The following E4F1 variants were observed in gnomAD, a reference collection of about 807,000 sequenced individuals.
The protein encoded by E4F1 is transcription factor E4F1.
A neutral mutation model predicts 72.9 loss-of-function variants in E4F1; 30 were observed. The ratio of observed to expected loss-of-function variants is 0.41; its 90% CI spans 0.31 to 0.56. The LOEUF (loss-of-function observed/expected upper bound fraction) is 0.56. Ranked by LOEUF, E4F1 falls within the 20% of genes least tolerant of loss-of-function variation. The probability of loss-of-function intolerance (pLI) is 0.25; values close to 1 mark genes in which losing one functional copy is unlikely to be tolerated. For missense variants in E4F1, 1,091 were observed against 1,117.5 expected, an observed-to-expected ratio of 0.98 and a Z score of 0.34; for synonymous variants, 542 against 478.2, an observed-to-expected ratio of 1.13 and a Z score of -1.74.
Position 2,229,574 on chromosome 16 carries a change from T to A in E4F1, c.314T>A (p.Val105Glu). The A allele has an allele frequency of 6.2e-7, 1 of 1,610,526 alleles. No individual in the cohort carries two copies. Among genetic ancestry groups the A allele is most frequent in the Non-Finnish European group, 8.5e-7 (1 of 1,179,762 alleles). ...ATTALLGQEV[V>E]PAAPGPEEPI... The stretch of plus-strand genomic sequence containing the variant: ...GTTTTCTTCCCCCTTTGGCAGGTGG[T>A]GCCGGCAGCACCAGGCCCAGAGGAG... The change falls in exon 3 of 14, where the codon GTG becomes GAG. Residue 105 changes from valine (V) to glutamate (E), a missense_variant. Val to Glu is a moderately radical substitution (Grantham distance 121). Coordinates refer to ENST00000301727, the MANE Select transcript of E4F1 (RefSeq NM_004424.5).
At chr16:2,228,225 A>T (rs2093443622) in intron 1 of E4F1, 147 bp from the exon 2 acceptor site, 1 of 1,097,238 alleles carries the variant, frequency 9.1e-7, no homozygotes, top group Non-Finnish European at 1.4e-6. Flanking sequence ...TTTGGGCCCG[A>T]GTGTGTTCTC....
At position 2,234,398 on chromosome 16, in the gene E4F1, T is replaced by C. The variant is rs1321606025; in HGVS notation, c.1593+10T>C. 6.2e-7 allele frequency: 1 copy of C among 1,612,502 alleles called. No homozygotes were observed. The highest frequency in any genetic ancestry group is 1.1e-5 in the South Asian group (1 of 91,072). The stretch of plus-strand genomic sequence containing the variant: ...GCGCTACAAGACTAAGGTGGGTCTC[T>C]GGCCGCAGGACCCTGGCGCCTGATC... On this transcript the variant is annotated intron_variant, in intron 10 of 13. Coordinates refer to ENST00000301727, the MANE Select transcript of E4F1 (RefSeq NM_004424.5).
At position 2,234,990 on chromosome 16, in the gene E4F1, T is replaced by G. The variant is rs1596773705; in HGVS notation, c.1924T>G (p.Tyr642Asp). 1 of 1,609,244 alleles carries G rather than the reference T, an allele frequency of 6.2e-7. No homozygotes were observed. The part of the protein sequence containing the change: ...FSSVVADTQE[Y>D]IIEATADDAE... ...GTCCGTGGTAGCTGACACCCAGGAG[T>G]ATATCATCGAGGTGGGTGTGGGGCC... The change falls in exon 12 of 14, where the codon TAT becomes GAT. Residue 642 changes from tyrosine (Y) to aspartate (D), a missense_variant. By Grantham distance (160) the Tyr-to-Asp change is radical (BLOSUM62 -3). This residue lies in a region of E4F1 where 622 missense variants were observed against 628.0 expected (regional missense o/e 0.99). Coordinates refer to ENST00000301727, the MANE Select transcript of E4F1 (RefSeq NM_004424.5).
At position 2,232,196 on chromosome 16, in the gene E4F1, C is replaced by T. The variant is rs773805400; in HGVS notation, c.441C>T (p.Ile147=). Residue 147 remains isoleucine (I), a synonymous_variant, in exon 4 of 14, where the codon ATC becomes ATT. Coordinates refer to ENST00000301727, the MANE Select transcript of E4F1 (RefSeq NM_004424.5). ...LVGGGHIKEV[I]VAAEAELGDG... Reference sequence around the variant, plus strand: ...GTGGTGGGCACATCAAAGAGGTCATCGTGGCTGCTGAGGCGGAGCTGGGAG... The same window carrying T: ...GTGGTGGGCACATCAAAGAGGTCATTGTGGCTGCTGAGGCGGAGCTGGGAG... 8 of 1,612,428 alleles carry T rather than the reference C, an allele frequency of 5.0e-6. No homozygotes were observed. In the Admixed American group the frequency reaches 1.2e-4, roughly 24 times the overall value.
At chr16:2,228,886 C>A (rs1022047342) in intron 2 of E4F1, among the ~76,000 whole-genome samples, 3 of 152,222 alleles carry the variant, frequency 2.0e-5, no homozygotes, top group Non-Finnish European at 4.4e-5. Flanking sequence ...GGACTTCACA[C>A]GTGAAGTGTG....
In E4F1 at chr16:2,234,212, C is replaced by T; in HGVS notation, c.1417C>T (p.Pro473Ser). Residue 473 changes from proline to serine, a missense_variant, in exon 10 of 14, where the codon CCC becomes TCC. By Grantham distance (74) the Pro-to-Ser change is moderately conservative (BLOSUM62 -1). Around this residue, in one of 5 missense-constraint regions of E4F1, gnomAD observed 622 missense variants for 628.0 expected, o/e 0.99. Coordinates refer to ENST00000301727, the MANE Select transcript of E4F1 (RefSeq NM_004424.5). ...CTGCGCGCAGTGTGGCAAGGCCTTC[C>T]CCAAGGCCTACCTGCTCAAGAAGCA... Reference protein sequence around the residue: ...FACAQCGKAFPKAYLLKKHQE... With the variant: ...FACAQCGKAFSKAYLLKKHQE... 6.2e-7 allele frequency: 1 copy of T among 1,612,758 alleles called. No homozygotes were observed. The highest frequency in any genetic ancestry group is 8.5e-7 in the Non-Finnish European group (1 of 1,179,928).
In E4F1 at chr16:2,234,944, C is replaced by T. The variant is rs1330555066; in HGVS notation, c.1878C>T (p.His626=). The change falls in exon 12 of 14, where the codon CAC becomes CAT. Residue 626 remains histidine, a synonymous_variant. Coordinates refer to ENST00000301727, the MANE Select transcript of E4F1 (RefSeq NM_004424.5). ...CCACCGTCCTCACGGAAGACCCGCACACAGTGTTGGTGGAGTTCTCGTCCG... is the reference window on the plus strand; with the variant it reads ...CCACCGTCCTCACGGAAGACCCGCATACAGTGTTGGTGGAGTTCTCGTCCG... ...AATTVLTEDP[H]TVLVEFSSVV... is the part of the protein sequence containing the mutation. The T allele has an allele frequency of 6.3e-7, 1 of 1,582,122 alleles. No individual in the cohort carries two copies. The highest frequency in any genetic ancestry group is 1.3e-5 in the African/African-American group (1 of 74,378).
chr16:2,234,242 G>A lies in E4F1; in HGVS notation c.1447G>A (p.Glu483Lys). The A allele has an allele frequency of 6.2e-7, 1 of 1,612,864 alleles. No individual in the cohort carries two copies. The highest frequency in any genetic ancestry group is 1.1e-5 in the South Asian group (1 of 91,090). The change falls in exon 10 of 14, where the codon GAG becomes AAG. Residue 483 changes from glutamate to lysine, a missense_variant. Glu to Lys is a moderately conservative substitution (Grantham distance 56, BLOSUM62 1). This residue lies in a region of E4F1 where 622 missense variants were observed against 628.0 expected (regional missense o/e 0.99). Coordinates refer to ENST00000301727, the MANE Select transcript of E4F1 (RefSeq NM_004424.5). ...PKAYLLKKHQ[E>K]VHVRERRFRC... ...GGCCTACCTGCTCAAGAAGCACCAG[G>A]AGGTGCACGTGCGTGAGCGCCGCTT...
chr16:2,229,161 C>T (rs1404241642), intron 2 of E4F1, among the ~76,000 whole-genome samples: 2 of 152,250 alleles, frequency 1.3e-5, no homozygotes, highest in African/African-American at 4.8e-5. Flanking sequence ...GTGCCCCCTC[C>T]TCCAGGAAGG....
At chr16:2,231,993 T>A in intron 3 of E4F1, 178 bp from the exon 4 acceptor site, 1 of 729,950 alleles carries the variant, frequency 1.4e-6, no homozygotes, top group Non-Finnish European at 2.2e-6. Flanking sequence ...CCTCTCACTC[T>A]GACCTGGAGA....
intron 2 of E4F1, 125 bp downstream of exon 2, chr16:2,228,648 A>T: frequency 7.9e-7 from 1 of 1,262,564 alleles, no homozygotes; most frequent in Non-Finnish European, 1.1e-6. Context: ...GAGGGCAGGC[A>T]CCTGGCTGCG....
In E4F1 at chr16:2,234,632, T is replaced by C; in HGVS notation, c.1643T>C (p.Val548Ala). The change falls in exon 11 of 14, where the codon GTG becomes GCG. Residue 548 changes from valine to alanine, a missense_variant. Coordinates refer to ENST00000301727, the MANE Select transcript of E4F1 (RefSeq NM_004424.5). ...FRTHLEEKPH[V>A]CQFCSRGFRE... is the part of the protein sequence containing the mutation. ...ACACACCTGGAGGAGAAGCCGCACG[T>C]GTGCCAGTTCTGCAGCCGTGGCTTC... 2 of 1,601,738 alleles carry C rather than the reference T, an allele frequency of 1.2e-6. No individual in the cohort carries two copies. Among genetic ancestry groups the C allele is most frequent in the Admixed American group, 1.7e-5 (1 of 58,964 alleles).
At chr16:2,229,101 C>A (rs1479937233) in intron 2 of E4F1, among the ~76,000 whole-genome samples, 1 of 152,234 alleles carries the variant, frequency 6.6e-6, no homozygotes, top group East Asian at 1.9e-4. Flanking sequence ...TGATGCTGGA[C>A]CCTGGACACC....
intron 1 of E4F1, among the ~76,000 whole-genome samples, chr16:2,227,644 T>G (rs2093440009): frequency 6.6e-6 from 1 of 152,008 alleles, no homozygotes; most frequent in African/African-American, 2.4e-5. Context: ...AGTGCTGGGA[T>G]TACAAGCATG....
intron 1 of E4F1, among the ~76,000 whole-genome samples, chr16:2,224,647 A>G (rs757172853): frequency 2.6e-5 from 4 of 151,862 alleles, no homozygotes; most frequent in African/African-American, 9.7e-5. Flanking sequence ...AAACAAAATT[A>G]GCCGGGCGTG....
At position 2,234,914 on chromosome 16, in the gene E4F1, A is replaced by C; in HGVS notation, c.1848A>C (p.Ala616=). The C allele has an allele frequency of 6.4e-7, 1 of 1,555,050 alleles. No homozygotes were observed. The highest frequency in any genetic ancestry group is 8.7e-7 in the Non-Finnish European group (1 of 1,149,418). ...TGGTGTCTGAGGACAGCCCCGCGGC[A>C]GCCACCACCGTCCTCACGGAAGACC... is the stretch of plus-strand genomic sequence containing the variant. ...ELLVSEDSPA[A]ATTVLTEDPH... is the part of the protein sequence containing the mutation. Residue 616 remains alanine, a synonymous_variant, in exon 12 of 14, where the codon GCA becomes GCC. Transcript: ENST00000301727.
rs781197252 is a variant in E4F1, at chr16:2,234,744, C to T, written c.1755C>T (p.Ala585=). ...GCTACAAGTGCGGCCGTGGCTTCGC[C>T]GAGCACGGCACGCTGAACCGGCACC... ...FKCYKCGRGF[A]EHGTLNRHLR... Residue 585 remains alanine, a synonymous_variant, in exon 11 of 14, where the codon GCC becomes GCT. Coordinates refer to ENST00000301727, the MANE Select transcript of E4F1 (RefSeq NM_004424.5). 1.2e-5 allele frequency: 19 copies of T among 1,553,036 alleles called. No homozygotes were observed. Among genetic ancestry groups the T allele is most frequent in the African/African-American group, 2.7e-5 (2 of 73,104 alleles).
chr16:2,223,687 CG>C lies in E4F1; in HGVS notation c.77del (p.Gly26AlafsTer157). 2 of 1,576,530 alleles carry C rather than the reference CG, an allele frequency of 1.3e-6. No individual in the cohort carries two copies. Among genetic ancestry groups the C allele is most frequent in the Non-Finnish European group, 1.7e-6 (2 of 1,169,714 alleles). ...AEAQAEAGRE[A>X]GEGAVAAVAA... Reference sequence around the variant, plus strand: ...GCCCAGGCCGAAGCCGGGCGGGAAGCGGGCGAGGGTGCAGTTGCGGCGGTGG... The same window carrying C: ...GCCCAGGCCGAAGCCGGGCGGGAAGCGGCGAGGGTGCAGTTGCGGCGGTGG... On this transcript the variant is annotated frameshift_variant, in exon 1 of 14. Coordinates refer to ENST00000301727, the MANE Select transcript of E4F1 (RefSeq NM_004424.5). LOFTEE classifies it high-confidence loss of function.
Position 2,232,182 on chromosome 16 carries a change from A to T in E4F1, c.427A>T (p.Ile143Phe). 1 of 1,611,962 alleles carries T rather than the reference A, an allele frequency of 6.2e-7. No individual in the cohort carries two copies. The highest frequency in any genetic ancestry group is 8.5e-7 in the Non-Finnish European group (1 of 1,179,914). Residue 143 changes from isoleucine (I) to phenylalanine (F), a missense_variant, in exon 4 of 14, where the codon ATC (isoleucine) becomes TTC (phenylalanine). Ile to Phe is a conservative substitution (Grantham distance 21, BLOSUM62 0). This residue lies in a region of E4F1 where 362 missense variants were observed against 358.6 expected (regional missense o/e 1.01). Transcript: ENST00000301727. Reference protein sequence around the residue: ...HASDLVGGGHIKEVIVAAEAE... With the variant: ...HASDLVGGGHFKEVIVAAEAE... ...GATGCTTCTCCTAGGTGGTGGGCAC[A>T]TCAAAGAGGTCATCGTGGCTGCTGA...
Sources: allele counts gnomAD v4.1 joint callset (sites outside exome capture counted in the v4.1 genomes callset), GRCh38; gene constraint gnomAD v4.1.1; regional missense constraint gnomAD v4.1.1; transcripts MANE v1.5; gene names NCBI Gene and HGNC (gene_info 2026-07-23, HGNC 2026-07-21).